Variants in SELENON observed in about 807,000 individuals in gnomAD.
SELENON encodes selenoprotein N, 1.
Under a neutral mutation model 59.5 loss-of-function variants are expected in SELENON, and 44 were observed. The ratio of observed to expected loss-of-function variants is 0.74; its 90% CI spans 0.58 to 0.95. The LOEUF (loss-of-function observed/expected upper bound fraction) is 0.95. Ranked by LOEUF, SELENON falls within the 40% of genes least tolerant of loss-of-function variation. The pLI, the probability that SELENON is intolerant of heterozygous loss-of-function variation, is 0.00. For missense variants in SELENON, 674 were observed against 721.4 expected, an observed-to-expected ratio of 0.93 and a Z score of 0.75; for synonymous variants, 320 against 305.6, an observed-to-expected ratio of 1.05 and a Z score of -0.49.
chr1:25,811,391 A>C (rs2047958092), intron 7 of SELENON, 63 bp from the exon 7 acceptor site: 2 of 1,377,392 alleles, frequency 1.5e-6, no homozygotes, highest in Non-Finnish European at 2.1e-6. Context: ...GTATTATGTG[A>C]GATAAAGTGT....
chr1:25,812,634 T>C (rs2047975287), intron 9 of SELENON, 53 bp from the exon 9 acceptor site: 3 of 1,391,672 alleles, frequency 2.2e-6, no homozygotes, highest in Non-Finnish European at 9.9e-7. Flanking sequence ...TCAGCCCGAG[T>C]GGGACCCTGG....
At chr1:25,808,446 G>A (rs2047927657) in intron 4 of SELENON, 134 bp from the exon 4 acceptor site, 1 of 986,902 alleles carries the variant, frequency 1.0e-6, no homozygotes, top group Non-Finnish European at 1.6e-6. Context: ...ATAAGGGCAG[G>A]AACCTCCCTG....
At chr1:25,810,736 GC>G (rs1451182910) in intron 7 of SELENON, among the ~76,000 whole-genome samples, 1 of 152,190 alleles carries the variant, frequency 6.6e-6, no homozygotes, top group Non-Finnish European at 1.5e-5. Context: ...AGTGGGAAGG[GC>G]AGGGGCTTCC....
intron 6 of SELENON, 136 bp from the exon 6 acceptor site, chr1:25,809,547 C>T (rs1438447030): frequency 8.0e-7 from 1 of 1,254,584 alleles, no homozygotes; most frequent in African/African-American, 1.5e-5. Context: ...ATTTGGAGAG[C>T]CTCGCTGCTG....
At position 25,802,107 on chromosome 1, in the gene SELENON, C is replaced by T. The variant is rs947474610; in HGVS notation, c.393C>T (p.Leu131=). The change falls in exon 3 of 13, where the codon CTC becomes CTT. Residue 131 remains leucine, a synonymous_variant. Transcript: ENST00000361547. ...CCTGGCTCAATTGATCCTCCTGCCT[C>T]AGCCTCCTGAGTAAGTGGGACCACA... 1 of 285,498 alleles carries T rather than the reference C, an allele frequency of 3.5e-6. No individual in the cohort carries two copies. Among genetic ancestry groups the T allele is most frequent in the South Asian group, 2.9e-5 (1 of 34,168 alleles). 17.7% of individuals were successfully genotyped at this position (285,498 alleles called of 1,614,324 possible). A position where few individuals can be genotyped will look rare whatever the true frequency, so the allele number is the denominator to read the frequency against.
rs59333545 is a variant in SELENON at position 25,812,564 on chromosome 1, A to AAC, written c.1282-82_1282-81dup. On this transcript the variant is annotated intron_variant, in intron 9 of 12. Transcript: ENST00000361547. ...ACACAAATATATATGCCTACACACA[A>AAC]ACACACACACACACACACACACACA... 0.098 allele frequency: 55,722 copies of AAC among 566,148 alleles called. 879 individuals are homozygous for AAC. The highest frequency in any genetic ancestry group is 0.11 in the Non-Finnish European group (34,040 of 314,744). The allele number at this position is 566,148 out of a possible 1,614,324, so 35.1% of individuals were successfully genotyped here.
At chr1:25,803,430 TAG>T (rs1398041266) in intron 3 of SELENON, among the ~76,000 whole-genome samples, 1 of 152,166 alleles carries the variant, frequency 6.6e-6, no homozygotes, top group African/African-American at 2.4e-5. Context: ...TTCTATTTGG[TAG>T]AGTTATGAGA....
Position 25,812,713 on chromosome 1 carries a change from C to G in SELENON, c.1308C>G (p.Ala436=), listed in dbSNP as rs573776542. 7.4e-6 allele frequency: 12 copies of G among 1,612,714 alleles called. No individual in the cohort carries two copies. In the East Asian group the frequency reaches 2.5e-4, roughly 33 times the overall value. Residue 436 remains alanine, a synonymous_variant, in exon 10 of 13, where the codon GCC becomes GCG. Coordinates refer to ENST00000361547, the MANE Select transcript of SELENON (RefSeq NM_020451.3). ...TCTCCTACTTGCCGTTCACTGAGGC[C>G]TTCGACCGAGCCAAGGCTGAGAACA...
Position 25,815,751 on chromosome 1 carries a change from C to T in SELENON, c.*33C>T. ...GGACGGGATCTGATGCACAGGCCCC[C>T]ACGCCTCAGAGCCAGAGTGGTCCTC... On this transcript the variant is annotated 3_prime_UTR_variant, in exon 13 of 13. Coordinates refer to ENST00000361547, the MANE Select transcript of SELENON (RefSeq NM_020451.3). 6.2e-7 allele frequency: 1 copy of T among 1,609,884 alleles called. No homozygotes were observed.
In SELENON at chr1:25,811,514, G is replaced by A; in HGVS notation, c.1071G>A (p.Val357=). ...CCAGTGAAAGCAGCAACATGGAGGT[G>A]GACATCGGCTACATACCCCAGGTGA... The change falls in exon 8 of 13, where the codon GTG becomes GTA. Residue 357 remains valine (V), a synonymous_variant. Transcript: ENST00000361547. 1 of 1,614,126 alleles carries A rather than the reference G, an allele frequency of 6.2e-7. No homozygotes were observed. The highest frequency in any genetic ancestry group is 8.5e-7 in the Non-Finnish European group (1 of 1,180,026).
At position 25,805,192 on chromosome 1, in the gene SELENON, A is replaced by G; in HGVS notation, c.454A>G (p.Ser152Gly). 6.2e-7 allele frequency: 1 copy of G among 1,614,106 alleles called. No homozygotes were observed. The highest frequency in any genetic ancestry group is 2.2e-5 in the East Asian group (1 of 44,890). ...GGAGGAGGAGTTGCCCCCTGACCCTAGCGAGGAGACGCTCACCATAGAAGC... is the reference window on the plus strand; with the variant it reads ...GGAGGAGGAGTTGCCCCCTGACCCTGGCGAGGAGACGCTCACCATAGAAGC... Residue 152 changes from serine to glycine, a missense_variant, in exon 4 of 13, where the codon AGC (serine) becomes GGC (glycine). Physicochemically the swap from Ser to Gly is moderately conservative, Grantham distance 56 (BLOSUM62 0). Coordinates refer to ENST00000361547, the MANE Select transcript of SELENON (RefSeq NM_020451.3).
chr1:25,812,659 G>A, intron 9 of SELENON, 28 bp from the exon 9 acceptor site: 1 of 1,584,936 alleles, frequency 6.3e-7, no homozygotes, highest in Non-Finnish European at 8.6e-7. Context: ...TTTGATGATG[G>A]CTTCGCTCTG....
Position 25,805,286 on chromosome 1 carries a change from G to C in SELENON, c.537+11G>C, listed in dbSNP as rs766603154. ...GATGGCTTCCTAGGGGTGAGTTGGGGACCACAGGCAGTGGGGTCATCTGTG... is the reference window on the plus strand; with the variant it reads ...GATGGCTTCCTAGGGGTGAGTTGGGCACCACAGGCAGTGGGGTCATCTGTG... On this transcript the variant is annotated intron_variant, in intron 4 of 12. Coordinates refer to ENST00000361547, the MANE Select transcript of SELENON (RefSeq NM_020451.3). The C allele has an allele frequency of 6.2e-7, 1 of 1,613,964 alleles. No homozygotes were observed. Among genetic ancestry groups the C allele is most frequent in the Non-Finnish European group, 8.5e-7 (1 of 1,180,008 alleles).
rs999916489 is a variant in SELENON at position 25,816,520 on chromosome 1, C to G, written c.*802C>G. ...CAGCGCTCCTGCCGCCCCTCTTGCC[C>G]CTCAGACCTTGCATCCACAGAAGCA... On this transcript the variant is annotated 3_prime_UTR_variant, in exon 13 of 13. Transcript: ENST00000361547. 3 of 152,854 alleles carry G rather than the reference C, an allele frequency of 2.0e-5. No individual in the cohort carries two copies. The highest frequency in any genetic ancestry group is 7.2e-5 in the African/African-American group (3 of 41,470). 9.5% of individuals were successfully genotyped at this position (152,854 alleles called of 1,614,324 possible). A position where few individuals can be genotyped will look rare whatever the true frequency, so the allele number is the denominator to read the frequency against.
chr1:25,811,069 C>G (rs1008819636), intron 7 of SELENON, among the ~76,000 whole-genome samples: 1 of 152,214 alleles, frequency 6.6e-6, no homozygotes, highest in East Asian at 1.9e-4. Flanking sequence ...TCCTGCTGCC[C>G]GCCAGAGGCC....
intron 3 of SELENON, among the ~76,000 whole-genome samples, chr1:25,803,292 A>T (rs2047875657): frequency 6.6e-6 from 1 of 152,186 alleles, no homozygotes; most frequent in Admixed American, 6.5e-5. Context: ...TTGCACAGAA[A>T]TCTTTTTCTC....
At chr1:25,813,692 A>G (rs1472286756) in intron 10 of SELENON, 189 bp from the exon 10 acceptor site, 4 of 651,438 alleles carry the variant, frequency 6.1e-6, no homozygotes, top group Non-Finnish European at 1.1e-5. Flanking sequence ...ATCTCAGCCC[A>G]GGATGCTGGT....
At chr1:25,806,947 G>T (rs948943743) in intron 4 of SELENON, among the ~76,000 whole-genome samples, 1 of 151,162 alleles carries the variant, frequency 6.6e-6, no homozygotes, top group Admixed American at 6.6e-5. Flanking sequence ...TCAGCCTCCC[G>T]AGTAGCTGGG....
In SELENON at chr1:25,800,429, G is replaced by A; in HGVS notation, c.183+16G>A. On this transcript the variant is annotated intron_variant, in intron 1 of 12. Coordinates refer to ENST00000361547, the MANE Select transcript of SELENON (RefSeq NM_020451.3). The stretch of plus-strand genomic sequence containing the variant: ...CGCGCGGCAGGTCCGGGCCCGAGCT[G>A]GCTGGGGCGGGAGCGCGGGAGCGGG... The A allele has an allele frequency of 9.1e-7, 1 of 1,094,978 alleles. No homozygotes were observed. Among genetic ancestry groups the A allele is most frequent in the East Asian group, 5.2e-5 (1 of 19,158 alleles). 67.8% of individuals were successfully genotyped at this position (1,094,978 alleles called of 1,614,324 possible).
Sources: gnomAD v4.1 joint callset for allele counts (sites outside exome capture counted in the v4.1 genomes callset) on GRCh38, gnomAD v4.1.1 for gene constraint, MANE v1.5 for transcripts, NCBI Gene and HGNC (gene_info 2026-07-23, HGNC 2026-07-21) for gene names.